SLIT2: variants seen among roughly 807,000 people sequenced by gnomAD.
SLIT2 encodes slit guidance ligand 2, also known as slit homolog 2 protein.
SLIT2 carries 41 observed loss-of-function variants against 185.7 expected under a neutral mutation model. The ratio of observed to expected loss-of-function variants is 0.22; its 90% CI spans 0.17 to 0.29. The LOEUF (loss-of-function observed/expected upper bound fraction) is 0.29. Among genes scored for constraint, SLIT2 ranks in the 10% least tolerant of loss-of-function variants. The pLI is 1.00. For synonymous variants in SLIT2, 693 were observed against 680.2 expected (o/e 1.02, Z -0.29); for missense variants, 1,571 against 1,909.0 (o/e 0.82, Z 3.30).
chr4:20,318,437 T>G (rs1326090193), intron 4 of SLIT2, among the ~76,000 whole-genome samples: 1 of 152,186 alleles, frequency 6.6e-6, no homozygotes, highest in Non-Finnish European at 1.5e-5. Flanking sequence ...GAAACTAATG[T>G]TCAAGTGCAA....
In SLIT2 at chr4:20,610,373, C is replaced by G. The variant is rs566198209; in HGVS notation, c.3847+206C>G. On this transcript the variant is annotated intron_variant, in intron 34 of 36. Transcript: ENST00000504154. ...TTTATTATCCCATCTCTCTTTCTAA[C>G]AAATGTGTCATCTGGGTAGAGAAAG... 5.9e-5 allele frequency among the ~76,000 whole-genome samples: 9 copies of G among 152,302 alleles called. No individual in the cohort carries two copies. The South Asian group carries it at 1.9e-3, about 32-fold the overall frequency.
rs1431054092 is a variant in SLIT2, at chr4:20,252,825, C to CCTTT, written c.-990_-987dup. On this transcript the variant is annotated 5_prime_UTR_variant, in exon 1 of 37. Coordinates refer to ENST00000504154, the MANE Select transcript of SLIT2 (RefSeq NM_004787.4). ...AGGACGCTGACACCTCCAACCTTGG[C>CCTTT]CTTTGCCTTTCCACTCCTTCCGGTC... Among the ~76,000 whole-genome samples, 5 of 152,188 alleles carry CCTTT rather than the reference C, an allele frequency of 3.3e-5. No individual in the cohort carries two copies. Among genetic ancestry groups the CCTTT allele is most frequent in the Non-Finnish European group, 7.3e-5 (5 of 68,038 alleles).
chr4:20,285,251 T>G (rs1210706376), intron 4 of SLIT2, among the ~76,000 whole-genome samples: 1 of 152,162 alleles, frequency 6.6e-6, no homozygotes, highest in African/African-American at 2.4e-5. Flanking sequence ...CCTATGACAT[T>G]GGAAGGTGGT....
chr4:20,520,033 C>CAA (rs34644308), intron 12 of SLIT2, among the ~76,000 whole-genome samples: 1,241 of 67,812 alleles, frequency 0.018, 62 homozygotes, highest in South Asian at 0.023. Context: ...GACTCCGTCT[C>CAA]AAAAAAAAAA....
intron 26 of SLIT2, among the ~76,000 whole-genome samples, chr4:20,554,500 A>G (rs1185977885): frequency 6.6e-6 from 1 of 152,210 alleles, no homozygotes; most frequent in Non-Finnish European, 1.5e-5. Flanking sequence ...TGTCAGAATA[A>G]CAAATATTAT....
intron 4 of SLIT2, among the ~76,000 whole-genome samples, chr4:20,310,446 G>A (rs1212060435): frequency 1.3e-5 from 2 of 151,898 alleles, no homozygotes; most frequent in Non-Finnish European, 2.9e-5. Context: ...AGTTTCCTAG[G>A]GCACCAACCT....
rs537351186 is a variant in SLIT2, at chr4:20,441,790, C to A, written c.396-25962C>A. 9.2e-5 allele frequency among the ~76,000 whole-genome samples: 14 copies of A among 152,232 alleles called. No homozygotes were observed. The South Asian group carries it at 2.9e-3, about 32-fold the overall frequency. ...CCTTGTAGATTATCAAACATTCCAT[C>A]TACTATACAGCAGCCCAGAACTTTA... On this transcript the variant is annotated intron_variant, in intron 4 of 36. Transcript: ENST00000504154.
At chr4:20,397,801 C>T (rs1264353571) in intron 4 of SLIT2, among the ~76,000 whole-genome samples, 3 of 151,898 alleles carry the variant, frequency 2.0e-5, no homozygotes, top group South Asian at 2.1e-4. Context: ...CTCCCACACA[C>T]GGCTTCAAGT....
chr4:20,410,584 T>TA (rs1399169507), intron 4 of SLIT2, among the ~76,000 whole-genome samples: 1 of 151,910 alleles, frequency 6.6e-6, no homozygotes, highest in Non-Finnish European at 1.5e-5. Context: ...ATCTTGAGTT[T>TA]ATTTTTGTAT....
chr4:20,395,542 G>A (rs1725823300), intron 4 of SLIT2, among the ~76,000 whole-genome samples: 1 of 151,962 alleles, frequency 6.6e-6, no homozygotes. Flanking sequence ...ACAGTATGGA[G>A]GAGAGCTATT....
chr4:20,539,922 T>C (rs564142388), intron 19 of SLIT2, among the ~76,000 whole-genome samples: 1 of 152,256 alleles, frequency 6.6e-6, no homozygotes, highest in South Asian at 2.1e-4. Context: ...TGTTCTCACA[T>C]TGGAGTATTT....
chr4:20,261,390 A>G (rs144263627), intron 3 of SLIT2, among the ~76,000 whole-genome samples: 2 of 151,886 alleles, frequency 1.3e-5, no homozygotes, highest in East Asian at 3.9e-4. Flanking sequence ...GTATATCTGC[A>G]ATAAATTCTC....
At position 20,345,230 on chromosome 4, in the gene SLIT2, G is replaced by A. The variant is rs530506077; in HGVS notation, c.395+76349G>A. ...AAATCCTGTGAGAATAGAGGATATT[G>A]GGTAGTACTCAGAAAATAATGGCAG... On this transcript the variant is annotated intron_variant, in intron 4 of 36. Transcript: ENST00000504154. Among the ~76,000 whole-genome samples, 4 of 152,234 alleles carry A rather than the reference G, an allele frequency of 2.6e-5. No homozygotes were observed. In the South Asian group the frequency reaches 8.3e-4, roughly 32 times the overall value.
chr4:20,377,978 G>A (rs1376016119), intron 4 of SLIT2, among the ~76,000 whole-genome samples: 2 of 152,118 alleles, frequency 1.3e-5, no homozygotes, highest in African/African-American at 4.8e-5. Flanking sequence ...AGTTGTTCTT[G>A]TGACCTAATA....
intron 5 of SLIT2, among the ~76,000 whole-genome samples, chr4:20,474,401 G>A (rs567950790): frequency 2.6e-4 from 40 of 152,162 alleles, no homozygotes; most frequent in African/African-American, 9.4e-4. Flanking sequence ...GACAAAGTTT[G>A]CTACCAATAA....
intron 8 of SLIT2, among the ~76,000 whole-genome samples, chr4:20,490,187 G>A (rs1717654756): frequency 6.6e-6 from 1 of 152,160 alleles, no homozygotes; most frequent in Non-Finnish European, 1.5e-5. Context: ...TTTTTAATAT[G>A]CTTAAGCACC....
chr4:20,400,297 G>A (rs897027210), intron 4 of SLIT2, among the ~76,000 whole-genome samples: 1 of 151,614 alleles, frequency 6.6e-6, no homozygotes, highest in African/African-American at 2.4e-5. Context: ...AGGCAATTTA[G>A]TAATATAGAA....
chr4:20,596,287 A>G (rs1727971627), intron 31 of SLIT2, 128 bp from the exon 32 acceptor site: 2 of 854,432 alleles, frequency 2.3e-6, no homozygotes, highest in African/African-American at 1.7e-5. Context: ...ATAGTTAAGA[A>G]TACTTGAAAA....
At position 20,327,984 on chromosome 4, in the gene SLIT2, A is replaced by G. The variant is rs71607018; in HGVS notation, c.395+59103A>G. The stretch of plus-strand genomic sequence containing the variant: ...ACATGATGCCTTTGGCTTTTAGAGC[A>G]TATTCTACATCAATAAGTTACGCAA... On this transcript the variant is annotated intron_variant, in intron 4 of 36. Coordinates refer to ENST00000504154, the MANE Select transcript of SLIT2 (RefSeq NM_004787.4). 4.1e-3 allele frequency among the ~76,000 whole-genome samples: 623 copies of G among 152,182 alleles called. 1 individual carries two copies. The highest frequency in any genetic ancestry group is 6.6e-3 in the Non-Finnish European group (449 of 67,948).
Sources: allele counts gnomAD v4.1 joint callset (sites outside exome capture counted in the v4.1 genomes callset), GRCh38; gene constraint gnomAD v4.1.1; transcripts MANE v1.5; gene names NCBI Gene and HGNC (gene_info 2026-07-23, HGNC 2026-07-21).